The following LAMC3 variants were observed in gnomAD, a reference collection of about 807,000 sequenced individuals.
LAMC3 encodes laminin subunit gamma 3, also known as laminin subunit gamma-3.
In LAMC3, 128 loss-of-function variants were observed where a neutral mutation model predicts 173.8. The observed-to-expected ratio is 0.74, with a 90% confidence interval of 0.64 to 0.85. LAMC3 has a LOEUF of 0.85. Among genes scored for constraint, LAMC3 ranks in the 40% least tolerant of loss-of-function variants. LAMC3 has a pLI of 0.00. For missense variants in LAMC3, 2,022 were observed against 2,156.0 expected, an observed-to-expected ratio of 0.94 and a Z score of 1.23; for synonymous variants, 897 against 909.1, an observed-to-expected ratio of 0.99 and a Z score of 0.24.
intron 4 of LAMC3, among the ~76,000 whole-genome samples, chr9:131,037,108 T>C (rs1423992382): frequency 6.6e-6 from 1 of 152,186 alleles, no homozygotes; most frequent in Non-Finnish European, 1.5e-5. Context: ...GGTGGGGCAC[T>C]GTCTGCAGGA....
At chr9:131,079,323 G>A (rs199498060) in intron 23 of LAMC3, 25 bp downstream of exon 23, 1 of 1,613,512 alleles carries the variant, frequency 6.2e-7, no homozygotes, top group Non-Finnish European at 8.5e-7. Flanking sequence ...TTTGAAGCAG[G>A]GGACCTGGGA....
intron 12 of LAMC3, among the ~76,000 whole-genome samples, chr9:131,058,840 G>C (rs1395282405): frequency 6.7e-6 from 1 of 149,944 alleles, no homozygotes. Context: ...GTTGCAGAGA[G>C]CCGAAATCAT....
intron 22 of LAMC3, among the ~76,000 whole-genome samples, chr9:131,078,543 T>G (rs1047776630): frequency 6.6e-6 from 1 of 152,148 alleles, no homozygotes; most frequent in Non-Finnish European, 1.5e-5. Context: ...TTGGGACAAG[T>G]GCTAACCCAG....
chr9:131,052,212 G>A (rs1834302110), intron 9 of LAMC3, among the ~76,000 whole-genome samples: 1 of 152,150 alleles, frequency 6.6e-6, no homozygotes, highest in Non-Finnish European at 1.5e-5. Context: ...CGGACTCCGT[G>A]TTCCATCGGA....
chr9:131,047,723 C>G (rs143059566), intron 8 of LAMC3, among the ~76,000 whole-genome samples: 7,893 of 150,868 alleles, frequency 0.052, 258 homozygotes, highest in South Asian at 0.1. Flanking sequence ...ATTAGCCAGG[C>G]GTGGTGGCCA....
chr9:131,045,221 CAAAAAAA>C (rs58637956), intron 7 of LAMC3, among the ~76,000 whole-genome samples: 1 of 112,012 alleles, frequency 8.9e-6, no homozygotes, highest in South Asian at 2.9e-4. Flanking sequence ...GACTCTGTCT[CAAAAAAA>C]AAAAAAAACA....
intron 21 of LAMC3, among the ~76,000 whole-genome samples, chr9:131,076,780 C>T (rs896679594): frequency 6.6e-6 from 1 of 152,194 alleles, no homozygotes; most frequent in Non-Finnish European, 1.5e-5. Context: ...GTGGTGAGGA[C>T]GTGCCCAAGG....
At chr9:131,077,114 C>T in intron 21 of LAMC3, 73 bp from the exon 22 acceptor site, 9 of 1,600,930 alleles carry the variant, frequency 5.6e-6, no homozygotes, top group South Asian at 3.3e-5. Context: ...ACCAGTGGCT[C>T]CAGCCTGGGG....
chr9:131,062,801 G>A (rs1007646106), intron 13 of LAMC3, among the ~76,000 whole-genome samples: 9 of 151,778 alleles, frequency 5.9e-5, no homozygotes, highest in South Asian at 2.1e-4. Context: ...CCCAGGAGGC[G>A]GAGTTTGCAG....
At chr9:131,023,777 T>A (rs567007711) in intron 1 of LAMC3, among the ~76,000 whole-genome samples, 2 of 152,264 alleles carry the variant, frequency 1.3e-5, no homozygotes, top group Non-Finnish European at 2.9e-5. Context: ...TCATTTTTTA[T>A]ATTTTTTGTA....
At position 131,044,051 on chromosome 9, in the gene LAMC3, C is replaced by T. The variant is rs150548940; in HGVS notation, c.1383-1473C>T. The stretch of plus-strand genomic sequence containing the variant: ...TCGGCTCACTGCAACCTCTGTCTCC[C>T]GGGTTCAAGCGATTCTCCTGCCTCA... On this transcript the variant is annotated intron_variant, in intron 7 of 27. Transcript: ENST00000361069. Among the ~76,000 whole-genome samples, 192 of 151,318 alleles carry T rather than the reference C, an allele frequency of 1.3e-3. 2 individuals carry two copies. In the East Asian group the frequency reaches 0.014, roughly 11 times the overall value.
Position 131,092,077 on chromosome 9 carries a change from G to A in LAMC3, c.*290G>A. 2.0e-6 allele frequency: 1 copy of A among 498,326 alleles called. No individual in the cohort carries two copies. 30.9% of individuals were successfully genotyped at this position (498,326 alleles called of 1,614,324 possible). Reference sequence around the variant, plus strand: ...ATAACATACACACGTGAGGGTGCATGTCTGTGTGTATGACCCACACGTGTT... The same window carrying A: ...ATAACATACACACGTGAGGGTGCATATCTGTGTGTATGACCCACACGTGTT... On this transcript the variant is annotated 3_prime_UTR_variant, in exon 28 of 28. Transcript: ENST00000361069.
At chr9:131,012,561 C>T (rs911276129) in intron 1 of LAMC3, among the ~76,000 whole-genome samples, 4 of 152,242 alleles carry the variant, frequency 2.6e-5, no homozygotes, top group Non-Finnish European at 5.9e-5. Flanking sequence ...GCACAAGGGG[C>T]GCCGGGGGCC....
In LAMC3 at chr9:131,071,697, T is replaced by C. The variant is rs989316459; in HGVS notation, c.3211+72T>C. On this transcript the variant is annotated intron_variant, in intron 18 of 27. Coordinates refer to ENST00000361069, the MANE Select transcript of LAMC3 (RefSeq NM_006059.4). ...CCCAGCGCCTGCAGTCTGGTGTCGT[T>C]GGATGCTTTGGGGGCCCTCCCAAAA... 4.1e-6 allele frequency: 6 copies of C among 1,460,178 alleles called. No homozygotes were observed. The African/African-American group carries it at 4.2e-5, about 10-fold the overall frequency. The allele number at this position is 1,460,178 out of a possible 1,614,324, so 90.5% of individuals were successfully genotyped here. A position where few individuals can be genotyped will look rare whatever the true frequency, so the allele number is the denominator to read the frequency against.
intron 16 of LAMC3, 68 bp from the exon 17 acceptor site, chr9:131,069,604 C>T (rs1193451845): frequency 1.3e-6 from 2 of 1,525,906 alleles, no homozygotes; most frequent in Non-Finnish European, 1.8e-6. Flanking sequence ...CCCCTGGCCC[C>T]TCTAAACCCA....
At chr9:131,031,269 G>A (rs768225225) in intron 2 of LAMC3, among the ~76,000 whole-genome samples, 2 of 152,132 alleles carry the variant, frequency 1.3e-5, no homozygotes, top group African/African-American at 2.4e-5. Context: ...GCTGCTCACA[G>A]CAGGCAGGTG....
rs772095312 is a variant in LAMC3 at position 131,091,717 on chromosome 9, T to G, written c.4658T>G (p.Ile1553Ser). The G allele has an allele frequency of 1.2e-6, 2 of 1,612,806 alleles. No homozygotes were observed. The change falls in exon 28 of 28, where the codon ATC (isoleucine) becomes AGC (serine). Residue 1553 changes from isoleucine to serine, a missense_variant. Transcript: ENST00000361069. ...IQGFESDLAE[I>S]RADKQNLEAI... ...GGCTTCGAGAGTGACCTCGCCGAGA[T>G]CCGCGCCGACAAACAGAACCTGGAG... is the stretch of plus-strand genomic sequence containing the variant.
chr9:131,079,660 C>G (rs959857035), intron 23 of LAMC3, among the ~76,000 whole-genome samples: 5 of 152,066 alleles, frequency 3.3e-5, no homozygotes, highest in African/African-American at 1.2e-4. Flanking sequence ...CGCCACTGCA[C>G]TCCAGTCTGG....
intron 11 of LAMC3, among the ~76,000 whole-genome samples, 186 bp from the exon 12 acceptor site, chr9:131,056,743 T>G (rs1021837942): frequency 1.3e-5 from 2 of 152,142 alleles, no homozygotes; most frequent in African/African-American, 4.8e-5. Context: ...AGAGCTATGA[T>G]TGCACCACTG....
Sources: allele counts gnomAD v4.1 joint callset (sites outside exome capture counted in the v4.1 genomes callset), GRCh38; gene constraint gnomAD v4.1.1; transcripts MANE v1.5; gene names NCBI Gene and HGNC (gene_info 2026-07-23, HGNC 2026-07-21).